KCNQ5: variants seen among roughly 807,000 people sequenced by gnomAD.
The protein encoded by KCNQ5 is potassium voltage-gated channel subfamily KQT member 5.
In KCNQ5, 30 loss-of-function variants were observed where a neutral mutation model predicts 98.2. The ratio of observed to expected loss-of-function variants is 0.31; its 90% CI spans 0.23 to 0.41. The LOEUF (loss-of-function observed/expected upper bound fraction) is 0.41. KCNQ5 is among the 10% of genes least tolerant of loss of function. The probability of loss-of-function intolerance (pLI) is 1.00; values close to 1 mark genes in which losing one functional copy is unlikely to be tolerated. For synonymous variants in KCNQ5, 458 were observed against 449.4 expected, an observed-to-expected ratio of 1.02 and a Z score of -0.24; for missense variants, 835 against 1,182.5, an observed-to-expected ratio of 0.71 and a Z score of 4.31.
At chr6:72,632,090 T>C (rs2098921120) in intron 1 of KCNQ5, among the ~76,000 whole-genome samples, 1 of 152,068 alleles carries the variant, frequency 6.6e-6, no homozygotes, top group Admixed American at 6.5e-5. Context: ...TATATTTTAT[T>C]TCCTTTACTT....
chr6:73,175,043 A>T (rs1460620369), intron 11 of KCNQ5, among the ~76,000 whole-genome samples: 1 of 151,926 alleles, frequency 6.6e-6, no homozygotes, highest in Non-Finnish European at 1.5e-5. Context: ...CTTCCAAAAC[A>T]TACACAGCCT....
intron 2 of KCNQ5, among the ~76,000 whole-genome samples, chr6:73,006,784 A>G (rs919871978): frequency 5.3e-5 from 8 of 152,226 alleles, no homozygotes; most frequent in African/African-American, 1.9e-4. Context: ...TGTAAATCCT[A>G]TATCAAGATT....
At chr6:73,130,928 C>T (rs1006706919) in intron 9 of KCNQ5, among the ~76,000 whole-genome samples, 2 of 151,974 alleles carry the variant, frequency 1.3e-5, no homozygotes, top group African/African-American at 2.4e-5. Flanking sequence ...ATGTAATATG[C>T]CGAGTTTATT....
chr6:73,091,804 G>A (rs187980040), intron 5 of KCNQ5, among the ~76,000 whole-genome samples: 2 of 151,982 alleles, frequency 1.3e-5, no homozygotes, highest in African/African-American at 4.8e-5. Context: ...TCCTTCTTTG[G>A]CTATGTGGGC....
intron 1 of KCNQ5, among the ~76,000 whole-genome samples, chr6:72,774,676 T>C (rs929417255): frequency 6.6e-6 from 1 of 150,988 alleles, no homozygotes. Context: ...CAAAAAACAA[T>C]AGGAAATTAT....
chr6:73,170,564 T>G (rs111260867), intron 11 of KCNQ5, among the ~76,000 whole-genome samples: 14,215 of 39,348 alleles, frequency 0.36, 1,988 homozygotes, highest in African/African-American at 0.55. Context: ...GTAACTATAT[T>G]GCAAAAAAAA....
At chr6:72,978,084 C>T (rs546333502) in intron 1 of KCNQ5, among the ~76,000 whole-genome samples, 1 of 152,216 alleles carries the variant, frequency 6.6e-6, no homozygotes, top group African/African-American at 2.4e-5. Flanking sequence ...AGTTGTAATT[C>T]CAAGTGGTGC....
intron 1 of KCNQ5, among the ~76,000 whole-genome samples, chr6:72,961,393 G>A (rs544895240): frequency 4.6e-5 from 7 of 152,000 alleles, no homozygotes; most frequent in East Asian, 3.9e-4. Flanking sequence ...GAAGGCGGGC[G>A]GATCACGAGG....
At chr6:72,680,070 A>G (rs2154473759) in intron 1 of KCNQ5, among the ~76,000 whole-genome samples, 1 of 152,308 alleles carries the variant, frequency 6.6e-6, no homozygotes, top group African/African-American at 2.4e-5. Context: ...TAAAAAGTAT[A>G]AAATTCAGTG....
intron 3 of KCNQ5, among the ~76,000 whole-genome samples, chr6:73,057,749 A>G (rs752090864): frequency 2.9e-4 from 44 of 152,160 alleles, no homozygotes; most frequent in Non-Finnish European, 5.4e-4. Context: ...AAAAAAAATT[A>G]TTTAAAAATT....
At chr6:72,780,990 C>T (rs1192201396) in intron 1 of KCNQ5, among the ~76,000 whole-genome samples, 1 of 152,144 alleles carries the variant, frequency 6.6e-6, no homozygotes, top group African/African-American at 2.4e-5. Context: ...TATATCTAAA[C>T]ATAAATCTTC....
intron 1 of KCNQ5, among the ~76,000 whole-genome samples, chr6:72,771,477 A>T (rs557257590): frequency 6.6e-6 from 1 of 152,166 alleles, no homozygotes; most frequent in African/African-American, 2.4e-5. Context: ...TTTTGATAAT[A>T]GCCATCCCAG....
intron 1 of KCNQ5, among the ~76,000 whole-genome samples, chr6:72,994,760 A>G (rs1769206814): frequency 6.6e-6 from 1 of 152,220 alleles, no homozygotes; most frequent in Non-Finnish European, 1.5e-5. Flanking sequence ...ATGAGATGGG[A>G]AAATTGTTGG....
In KCNQ5 at chr6:73,058,661, C is replaced by T. The variant is rs547886083; in HGVS notation, c.616+16599C>T. On this transcript the variant is annotated intron_variant, in intron 3 of 13. Coordinates refer to ENST00000370398, the MANE Select transcript of KCNQ5 (RefSeq NM_019842.4). ...TAGGAGAAAATATTTGCAAACTATG[C>T]ATCTGACAAAGGTCTATTATCCGGA... Among the ~76,000 whole-genome samples, 15 of 152,244 alleles carry T rather than the reference C, an allele frequency of 9.9e-5. No individual in the cohort carries two copies. The South Asian group carries it at 1.7e-3, about 17-fold the overall frequency.
chr6:73,192,523 C>T (rs765922449), intron 12 of KCNQ5, 42 bp from the exon 13 acceptor site: 5 of 1,532,372 alleles, frequency 3.3e-6, no homozygotes, highest in South Asian at 1.3e-5. Context: ...GGGCAATCTC[C>T]ACCTTCAGCC....
At chr6:73,171,418 C>G (rs76426560) in intron 11 of KCNQ5, among the ~76,000 whole-genome samples, 2,238 of 152,208 alleles carry the variant, frequency 0.015, 50 homozygotes, top group African/African-American at 0.051. Context: ...ACCTAGAAGT[C>G]TTGGGTGATG....
At chr6:73,184,459 G>T (rs1778499927) in intron 11 of KCNQ5, among the ~76,000 whole-genome samples, 1 of 152,178 alleles carries the variant, frequency 6.6e-6, no homozygotes. Context: ...CTTTTTAGAA[G>T]ATCTGTACAA....
At chr6:73,041,799 G>A (rs534615254) in intron 2 of KCNQ5, 137 bp from the exon 3 acceptor site, 11 of 937,240 alleles carry the variant, frequency 1.2e-5, no homozygotes, top group South Asian at 7.9e-5. Context: ...CTGGAGAAAG[G>A]AAATGTTCTT....
At chr6:72,681,692 G>A (rs1767720237) in intron 1 of KCNQ5, among the ~76,000 whole-genome samples, 1 of 152,114 alleles carries the variant, frequency 6.6e-6, no homozygotes, top group African/African-American at 2.4e-5. Context: ...CGCCTTCACA[G>A]TTGCCCCTTT....
Sources: allele counts gnomAD v4.1 joint callset (sites outside exome capture counted in the v4.1 genomes callset), GRCh38; gene constraint gnomAD v4.1.1; transcripts MANE v1.5; gene names NCBI Gene and HGNC (gene_info 2026-07-23, HGNC 2026-07-21).